The following DNAJC10 variants were observed in gnomAD, a reference collection of about 807,000 sequenced individuals.
The protein encoded by DNAJC10 is endoplasmic reticulum disulfide reductase DNAJC10.
Under a neutral mutation model 115.0 loss-of-function variants are expected in DNAJC10, and 101 were observed. That is an observed-to-expected ratio of 0.88 (90% CI 0.75 to 1.04). The LOEUF is 1.04. Ranked by LOEUF, DNAJC10 falls within the 50% of genes least tolerant of loss-of-function variation. The probability of loss-of-function intolerance (pLI) is 0.00; values close to 1 mark genes in which losing one functional copy is unlikely to be tolerated. For synonymous variants in DNAJC10, 307 were observed against 301.5 expected (o/e 1.02, Z -0.19); for missense variants, 981 against 928.8 (o/e 1.06, Z -0.73).
chr2:182,743,422 T>A (rs190661601), intron 13 of DNAJC10, among the ~76,000 whole-genome samples, 176 bp from the exon 14 acceptor site: 1 of 152,352 alleles, frequency 6.6e-6, no homozygotes, highest in Admixed American at 6.5e-5. Flanking sequence ...TTTAACTAAA[T>A]TGAGTCTTAA....
Position 182,721,951 on chromosome 2 carries a change from A to T in DNAJC10, c.368-74A>T. 5 of 819,734 alleles carry T rather than the reference A, an allele frequency of 6.1e-6. No homozygotes were observed. In the South Asian group the frequency reaches 7.3e-5, roughly 12 times the overall value. The allele number at this position is 819,734 out of a possible 1,614,324, so 50.8% of individuals were successfully genotyped here. ...TTTGATTTTTTTGATGATTAAAACG[A>T]GTAATCTATTTTTATGTTGCAATTT... On this transcript the variant is annotated intron_variant, in intron 4 of 23. Coordinates refer to ENST00000264065, the MANE Select transcript of DNAJC10 (RefSeq NM_018981.4).
intron 22 of DNAJC10, among the ~76,000 whole-genome samples, chr2:182,768,390 C>G (rs750408117): frequency 7.2e-5 from 11 of 152,204 alleles, no homozygotes; most frequent in Non-Finnish European, 1.5e-4. Context: ...ATAGACAGAG[C>G]TGTTTGAAAA....
At chr2:182,751,555 A>G (rs932741188) in intron 14 of DNAJC10, 103 bp from the exon 15 acceptor site, 9 of 1,336,428 alleles carry the variant, frequency 6.7e-6, no homozygotes, top group African/African-American at 1.5e-5. Flanking sequence ...CAATTTGTTC[A>G]TAATTTATCT....
In DNAJC10 at chr2:182,784,938, C is replaced by A. The variant is rs192468877; in HGVS notation, c.*7806C>A. The A allele has an allele frequency of 6.6e-6, 1 of 152,292 alleles. No individual in the cohort carries two copies. The allele number at this position is 152,292 out of a possible 1,614,324, so 9.4% of individuals were successfully genotyped here. A position where few individuals can be genotyped will look rare whatever the true frequency, so the allele number is the denominator to read the frequency against. On this transcript the variant is annotated 3_prime_UTR_variant, in exon 24 of 24. Transcript: ENST00000264065. ...ACATTTTTCTGATAAAATGCCATTT[C>A]TACCTCAGTACTTGATAAGAATCAC...
intron 10 of DNAJC10, among the ~76,000 whole-genome samples, chr2:182,734,242 A>G (rs980441043): frequency 6.6e-6 from 1 of 151,452 alleles, no homozygotes; most frequent in African/African-American, 2.4e-5. Flanking sequence ...ATTATAAATT[A>G]GTGACTACAG....
At position 182,734,087 on chromosome 2, in the gene DNAJC10, A is replaced by ATT. The variant is rs56088505; in HGVS notation, c.849+1557_849+1558dup. On this transcript the variant is annotated intron_variant, in intron 10 of 23. Coordinates refer to ENST00000264065, the MANE Select transcript of DNAJC10 (RefSeq NM_018981.4). ...AAAGTCTCAAGTTTCAGCTTTATTG[A>ATT]TTTTTTTTTTTTTACTGCCAGTTTC... Among the ~76,000 whole-genome samples, 446 of 142,712 alleles carry ATT rather than the reference A, an allele frequency of 3.1e-3. 6 individuals carry two copies. The East Asian group carries it at 0.038, about 12-fold the overall frequency. 93.6% of individuals were successfully genotyped at this position (142,712 alleles called of 152,430 possible). A position where few individuals can be genotyped will look rare whatever the true frequency, so the allele number is the denominator to read the frequency against.
chr2:182,744,746 C>T (rs1034595785), intron 14 of DNAJC10, among the ~76,000 whole-genome samples: 1 of 152,136 alleles, frequency 6.6e-6, no homozygotes, highest in African/African-American at 2.4e-5. Flanking sequence ...GTAACTTGCC[C>T]TATGACAGAC....
In DNAJC10 at chr2:182,762,709, A is replaced by G. The variant is rs1694315793; in HGVS notation, c.2173A>G (p.Lys725Glu). 1 of 1,612,476 alleles carries G rather than the reference A, an allele frequency of 6.2e-7. No individual in the cohort carries two copies. The highest frequency in any genetic ancestry group is 8.5e-7 in the Non-Finnish European group (1 of 1,178,962). ...RMIKGKVKAG[K>E]VDCQAYAQTC... Reference sequence around the variant, plus strand: ...GATTAAAGGAAAAGTGAAAGCTGGAAAAGTAGACTGTCAGGCTTATGCTCA... The same window carrying G: ...GATTAAAGGAAAAGTGAAAGCTGGAGAAGTAGACTGTCAGGCTTATGCTCA... Residue 725 changes from lysine (K) to glutamate (E), a missense_variant, in exon 22 of 24, where the codon AAA becomes GAA. Transcript: ENST00000264065.
chr2:182,750,122 G>A, intron 14 of DNAJC10, among the ~76,000 whole-genome samples: 1 of 152,206 alleles, frequency 6.6e-6, no homozygotes, highest in East Asian at 1.9e-4. Flanking sequence ...ATTACTTGGT[G>A]ACTGATGAGA....
In DNAJC10 at chr2:182,752,107, A is replaced by G. The variant is rs765390033; in HGVS notation, c.1470A>G (p.Leu490=). Residue 490 remains leucine (L), a synonymous_variant, in exon 16 of 24, where the codon TTA becomes TTG. Coordinates refer to ENST00000264065, the MANE Select transcript of DNAJC10 (RefSeq NM_018981.4). The part of the protein sequence containing the change: ...CPPCRALLPE[L]RRASNLLYGQ... ...CATGTCGAGCTTTACTACCAGAGTT[A>G]CGAAGAGCATCAAATCTTCTTTATG... The G allele has an allele frequency of 8.7e-6, 14 of 1,613,742 alleles. No homozygotes were observed. The highest frequency in any genetic ancestry group is 1.1e-5 in the Non-Finnish European group (13 of 1,179,848).
chr2:182,743,899 T>A (rs1295238948), intron 14 of DNAJC10, among the ~76,000 whole-genome samples, 187 bp downstream of exon 14: 2 of 152,228 alleles, frequency 1.3e-5, no homozygotes, highest in African/African-American at 4.8e-5. Context: ...CTTTTTAACA[T>A]GAATGCCTTT....
intron 1 of DNAJC10, among the ~76,000 whole-genome samples, 179 bp from the exon 2 acceptor site, chr2:182,716,837 C>T (rs2105595827): frequency 6.6e-6 from 1 of 152,344 alleles, no homozygotes; most frequent in East Asian, 1.9e-4. Flanking sequence ...TTACCTGGCG[C>T]TTCCACCTGC....
At chr2:182,730,172 G>A (rs1305332462) in intron 8 of DNAJC10, among the ~76,000 whole-genome samples, 1 of 152,122 alleles carries the variant, frequency 6.6e-6, no homozygotes, top group Non-Finnish European at 1.5e-5. Context: ...ATATGAGATA[G>A]GGCTACGGTA....
intron 22 of DNAJC10, among the ~76,000 whole-genome samples, chr2:182,770,239 A>C (rs1694525184): frequency 6.6e-6 from 1 of 152,018 alleles, no homozygotes; most frequent in Non-Finnish European, 1.5e-5. Flanking sequence ...AGTTTGAAGA[A>C]AGGTACTGTG....
chr2:182,752,712 G>T (rs1373095757), intron 16 of DNAJC10: 4 of 190,606 alleles, frequency 2.1e-5, no homozygotes, highest in African/African-American at 1.9e-4. Flanking sequence ...AATACTTTGG[G>T]CAAAAAAAAA....
intron 22 of DNAJC10, among the ~76,000 whole-genome samples, chr2:182,767,914 C>T (rs1403697641): frequency 2.0e-5 from 3 of 152,130 alleles, no homozygotes; most frequent in Non-Finnish European, 4.4e-5. Context: ...GTTACATTCT[C>T]ATGCACAAAT....
At chr2:182,720,953 A>G (rs1469157849) in intron 4 of DNAJC10, among the ~76,000 whole-genome samples, 1 of 152,050 alleles carries the variant, frequency 6.6e-6, no homozygotes, top group Non-Finnish European at 1.5e-5. Flanking sequence ...ACCTTGAAAC[A>G]TTATCAATAA....
At chr2:182,733,688 AT>A (rs10642468) in intron 10 of DNAJC10, among the ~76,000 whole-genome samples, 4 of 134,004 alleles carry the variant, frequency 3.0e-5, no homozygotes, top group African/African-American at 5.5e-5. Context: ...TTCTTTCTCA[AT>A]TTTTTTTTTT....
In DNAJC10 at chr2:182,782,249, A is replaced by G. The variant is rs1482854183; in HGVS notation, c.*5117A>G. 2.6e-5 allele frequency: 4 copies of G among 152,148 alleles called. No individual in the cohort carries two copies. The allele number at this position is 152,148 out of a possible 1,614,324, so 9.4% of individuals were successfully genotyped here. A position where few individuals can be genotyped will look rare whatever the true frequency, so the allele number is the denominator to read the frequency against. ...TTTTGTCAGGTTTGTCAAAGATCAG[A>G]TGGTTGTAGAAGTGTGGCGTTATTT... is the stretch of plus-strand genomic sequence containing the variant. On this transcript the variant is annotated 3_prime_UTR_variant, in exon 24 of 24. Transcript: ENST00000264065.
Sources: allele counts gnomAD v4.1 joint callset (sites outside exome capture counted in the v4.1 genomes callset), GRCh38; gene constraint gnomAD v4.1.1; transcripts MANE v1.5; gene names NCBI Gene and HGNC (gene_info 2026-07-23, HGNC 2026-07-21).